The following FBXO5 variants were observed in gnomAD, a reference collection of about 807,000 sequenced individuals.
The protein encoded by FBXO5 is F-box only protein 5.
In FBXO5, 8 loss-of-function variants were observed where a neutral mutation model predicts 43.3. The ratio of observed to expected loss-of-function variants is 0.18; its 90% CI spans 0.11 to 0.33. The LOEUF (loss-of-function observed/expected upper bound fraction) is 0.33, where lower values mean the gene tolerates loss of function less well. Among genes scored for constraint, FBXO5 ranks in the 10% least tolerant of loss-of-function variants. The pLI, the probability that FBXO5 is intolerant of heterozygous loss-of-function variation, is 1.00. For missense variants in FBXO5, 491 were observed against 535.7 expected, an observed-to-expected ratio of 0.92 and a Z score of 0.82; for synonymous variants, 204 against 193.7, an observed-to-expected ratio of 1.05 and a Z score of -0.44.
At chr6:152,979,704 A>G (rs1778232707) in intron 1 of FBXO5, among the ~76,000 whole-genome samples, 1 of 152,212 alleles carries the variant, frequency 6.6e-6, no homozygotes, top group Non-Finnish European at 1.5e-5. Flanking sequence ...TTATAATCCA[A>G]TACTATTTAC....
intron 1 of FBXO5, among the ~76,000 whole-genome samples, chr6:152,979,455 TG>T (rs1306165529): frequency 6.6e-6 from 1 of 152,230 alleles, no homozygotes; most frequent in Non-Finnish European, 1.5e-5. Context: ...TTGTTAGCCT[TG>T]ATTACTTGGC....
At position 152,975,157 on chromosome 6, in the gene FBXO5, T is replaced by G. The variant is rs1425724250; in HGVS notation, c.568A>C (p.Asn190His). 2 of 1,614,172 alleles carry G rather than the reference T, an allele frequency of 1.2e-6. No homozygotes were observed. The highest frequency in any genetic ancestry group is 4.5e-5 in the East Asian group (2 of 44,884). The change falls in exon 2 of 5, where the codon AAC becomes CAC. Residue 190 changes from asparagine (N) to histidine (H), a missense_variant. Physicochemically the swap from Asn to His is moderately conservative, Grantham distance 68. Coordinates refer to ENST00000229758, the MANE Select transcript of FBXO5 (RefSeq NM_012177.5). ...IQSPDQYPNKNLLPVLHFEKV... is the reference protein window; with the variant it reads ...IQSPDQYPNKHLLPVLHFEKV... ...TCAAAATGAAGAACTGGCAGCAAGT[T>G]TTTGTTGGGATATTGGTCTGGGCTT...
chr6:152,982,682 A>G (rs1040270917), intron 1 of FBXO5, among the ~76,000 whole-genome samples, 175 bp downstream of exon 1: 1 of 151,750 alleles, frequency 6.6e-6, no homozygotes, highest in Non-Finnish European at 1.5e-5. Context: ...TCCCCCCGAC[A>G]CCCAGCCGCC....
chr6:152,975,056 A>T lies in FBXO5; in HGVS notation c.669T>A (p.Ile223=). Residue 223 remains isoleucine (I), a synonymous_variant, in exon 2 of 5, where the codon ATT becomes ATA. Coordinates refer to ENST00000229758, the MANE Select transcript of FBXO5 (RefSeq NM_012177.5). ...PKVDREMLKE[I]IARGNFRLQN... ...GCAGTCTAAAATTTCCTCTGGCTAT[A>T]ATTTCCTTCAGCATCTCCCGATCTA... The T allele has an allele frequency of 2.5e-6, 4 of 1,614,116 alleles. No homozygotes were observed. The highest frequency in any genetic ancestry group is 3.4e-6 in the Non-Finnish European group (4 of 1,180,026).
At chr6:152,976,187 AT>A (rs1562291575) in intron 1 of FBXO5, among the ~76,000 whole-genome samples, 1 of 152,222 alleles carries the variant, frequency 6.6e-6, no homozygotes, top group East Asian at 1.9e-4. Flanking sequence ...AATAATCTTG[AT>A]AAAAATAATA....
At position 152,971,099 on chromosome 6, in the gene FBXO5, T is replaced by A. The variant is rs1265076971; in HGVS notation, c.*64A>T. 7 of 1,480,002 alleles carry A rather than the reference T, an allele frequency of 4.7e-6. No individual in the cohort carries two copies. The African/African-American group carries it at 5.6e-5, about 12-fold the overall frequency. The allele number at this position is 1,480,002 out of a possible 1,614,324, so 91.7% of individuals were successfully genotyped here. On this transcript the variant is annotated 3_prime_UTR_variant, in exon 5 of 5. Transcript: ENST00000229758. ...TTGAAAATCACAATACAATTTTTTT[T>A]AAGTTAAAACCTAACATTTTCTAAC...
chr6:152,980,857 A>G (rs887358678), intron 1 of FBXO5, among the ~76,000 whole-genome samples: 1 of 152,150 alleles, frequency 6.6e-6, no homozygotes, highest in African/African-American at 2.4e-5. Context: ...AACTCTTAAA[A>G]CCTCACTTTC....
chr6:152,981,256 T>C (rs1404240900), intron 1 of FBXO5, among the ~76,000 whole-genome samples: 1 of 152,230 alleles, frequency 6.6e-6, no homozygotes. Context: ...CCCAGTCATA[T>C]AGAGAAAAGT....
Position 152,972,395 on chromosome 6 carries a change from G to A in FBXO5, c.969C>T (p.Thr323=), listed in dbSNP as rs747150812. The change falls in exon 4 of 5, where the codon ACC becomes ACT. Residue 323 remains threonine (T), a synonymous_variant. Transcript: ENST00000229758. ...CTGATTTCTGAACAGAAGCCAGTGG[G>A]GTTCTGAACATAACATATTCTCTGG... is the stretch of plus-strand genomic sequence containing the variant. ...ASTREYVMFR[T]PLASVQKSAA... 1 of 1,612,090 alleles carries A rather than the reference G, an allele frequency of 6.2e-7. No individual in the cohort carries two copies. Among genetic ancestry groups the A allele is most frequent in the Admixed American group, 1.7e-5 (1 of 59,988 alleles).
chr6:152,982,490 G>A (rs924601427), intron 1 of FBXO5, among the ~76,000 whole-genome samples: 4 of 152,038 alleles, frequency 2.6e-5, no homozygotes, highest in African/African-American at 9.7e-5. Context: ...CCCGGGGTGG[G>A]GGAGGGGAGG....
At chr6:152,982,580 C>A (rs1435263460) in intron 1 of FBXO5, among the ~76,000 whole-genome samples, 1 of 152,144 alleles carries the variant, frequency 6.6e-6, no homozygotes, top group Non-Finnish European at 1.5e-5. Flanking sequence ...ATGCCACGAC[C>A]CGCACCTCCC....
In FBXO5 at chr6:152,974,926, T is replaced by G. The variant is rs564355898; in HGVS notation, c.799A>C (p.Ser267Arg). The change falls in exon 2 of 5, where the codon AGT (serine) becomes CGT (arginine). Residue 267 changes from serine (S) to arginine (R), a missense_variant. Coordinates refer to ENST00000229758, the MANE Select transcript of FBXO5 (RefSeq NM_012177.5). ...ACTTACTTGATTAAGTCCATGTCAC[T>G]GAGTTGTGCTAAAATAGTTGCTAAG... Reference protein sequence around the residue: ...HVLATILAQLSDMDLINVSKV... With the variant: ...HVLATILAQLRDMDLINVSKV... The G allele has an allele frequency of 3.1e-6, 5 of 1,602,082 alleles. No homozygotes were observed. The African/African-American group carries it at 6.7e-5, about 22-fold the overall frequency.
intron 1 of FBXO5, among the ~76,000 whole-genome samples, chr6:152,979,896 A>T (rs1187401910): frequency 6.6e-6 from 1 of 152,148 alleles, no homozygotes; most frequent in Non-Finnish European, 1.5e-5. Flanking sequence ...TTCTCCAAGC[A>T]CTGTGGTTTC....
In FBXO5 at chr6:152,983,036, C is replaced by T. The variant is rs976104887; in HGVS notation, c.-77G>A. Reference sequence around the variant, plus strand: ...TGAGCAACCTGCCTGCTTCACAGACCTGTATCTCTTAAAAGGCGCCAGCTG... The same window carrying T: ...TGAGCAACCTGCCTGCTTCACAGACTTGTATCTCTTAAAAGGCGCCAGCTG... On this transcript the variant is annotated 5_prime_UTR_variant, in exon 1 of 5. Transcript: ENST00000229758. The T allele has an allele frequency of 2.3e-6, 2 of 854,566 alleles. No individual in the cohort carries two copies. Among genetic ancestry groups the T allele is most frequent in the Non-Finnish European group, 3.3e-6 (2 of 610,806 alleles). 52.9% of individuals were successfully genotyped at this position (854,566 alleles called of 1,614,324 possible).
At chr6:152,972,644 T>C (rs377050983) in intron 3 of FBXO5, 190 bp from the exon 4 acceptor site, 5 of 534,572 alleles carry the variant, frequency 9.4e-6, no homozygotes, top group South Asian at 8.7e-5. Flanking sequence ...GCCTAACTTA[T>C]AGACAGAAAC....
intron 1 of FBXO5, among the ~76,000 whole-genome samples, chr6:152,980,373 C>T (rs972948055): frequency 6.6e-6 from 1 of 152,078 alleles, no homozygotes; most frequent in Non-Finnish European, 1.5e-5. Context: ...TGGAGGAGTT[C>T]CAGATGGTGG....
Position 152,983,025 on chromosome 6 carries a change from G to A in FBXO5, c.-66C>T, listed in dbSNP as rs2129094871. The A allele has an allele frequency of 1.2e-5, 12 of 973,300 alleles. No homozygotes were observed. The highest frequency in any genetic ancestry group is 1.5e-5 in the Non-Finnish European group (11 of 711,580). The allele number at this position is 973,300 out of a possible 1,614,324, so 60.3% of individuals were successfully genotyped here. A position where few individuals can be genotyped will look rare whatever the true frequency, so the allele number is the denominator to read the frequency against. ...CCGGGGGCAGCTGAGCAACCTGCCT[G>A]CTTCACAGACCTGTATCTCTTAAAA... On this transcript the variant is annotated 5_prime_UTR_variant, in exon 1 of 5. Coordinates refer to ENST00000229758, the MANE Select transcript of FBXO5 (RefSeq NM_012177.5).
At chr6:152,981,048 T>C (rs897160823) in intron 1 of FBXO5, among the ~76,000 whole-genome samples, 1 of 152,202 alleles carries the variant, frequency 6.6e-6, no homozygotes, top group Non-Finnish European at 1.5e-5. Flanking sequence ...AAGAAGTATA[T>C]ATTTCAGAGT....
chr6:152,975,503 G>A lies in FBXO5; in HGVS notation c.222C>T (p.Tyr74=), dbSNP rs143943044. The A allele has an allele frequency of 1.2e-5, 20 of 1,613,818 alleles. No homozygotes were observed. The highest frequency in any genetic ancestry group is 8.0e-5 in the African/African-American group (6 of 74,934). Residue 74 remains tyrosine (Y), a synonymous_variant, in exon 2 of 5, where the codon TAC becomes TAT. Transcript: ENST00000229758. ...KPDDIGRLVS[Y]TPAYLEGSCK... ...AGGAACCTTCCAAATATGCAGGGGT[G>A]TAGGAAACTAGTCTTCCAATGTCAT...
Sources: allele counts gnomAD v4.1 joint callset (sites outside exome capture counted in the v4.1 genomes callset), GRCh38; gene constraint gnomAD v4.1.1; transcripts MANE v1.5; gene names NCBI Gene and HGNC (gene_info 2026-07-23, HGNC 2026-07-21).